SPATA31F1: variants seen among roughly 807,000 people sequenced by gnomAD.
SPATA31F1 encodes SPATA31 subfamily F member 1.
the SPATA31F1 span, chr9:34,724,467 A>T: frequency 1.9e-6 from 3 of 1,551,502 alleles, no homozygotes; most frequent in East Asian, 2.4e-5. Context: ...TTCTGTGTGG[A>T]TATGTTCTCT....
the SPATA31F1 span, chr9:34,723,339 G>A: frequency 4.5e-6 from 7 of 1,551,598 alleles, no homozygotes; most frequent in East Asian, 1.7e-4. Flanking sequence ...CTGGAGTGTA[G>A]CCGGAGCTTA....
chr9:34,725,782 C>T, the SPATA31F1 span: 6 of 1,548,488 alleles, frequency 3.9e-6, no homozygotes, highest in Non-Finnish European at 5.2e-6. Context: ...GTGGGGCTGA[C>T]TGGGGTGAAG....
chr9:34,725,690 G>A, the SPATA31F1 span: 2 of 1,521,192 alleles, frequency 1.3e-6, no homozygotes, highest in Non-Finnish European at 1.8e-6. Flanking sequence ...TTCATACTCA[G>A]CCAGAGTCAG....
the SPATA31F1 span, chr9:34,729,406 G>A: frequency 2.0e-5 from 31 of 1,550,394 alleles, no homozygotes; most frequent in African/African-American, 4.1e-4. Context: ...ACTTCCCACA[G>A]AACAAAAGTA....
the SPATA31F1 span, chr9:34,725,047 G>T: frequency 1.3e-6 from 2 of 1,552,028 alleles, no homozygotes; most frequent in African/African-American, 1.4e-5. Context: ...TGTGATGCAG[G>T]TCCGGGTCAC....
the SPATA31F1 span, chr9:34,726,715 T>G: frequency 6.4e-7 from 1 of 1,551,666 alleles, no homozygotes; most frequent in South Asian, 1.2e-5. Flanking sequence ...TCTGATCTGT[T>G]AATTGTGACA....
the SPATA31F1 span, chr9:34,723,861 G>A: frequency 1.4e-5 from 21 of 1,551,562 alleles, no homozygotes; most frequent in African/African-American, 2.7e-5. Flanking sequence ...CCAGGGACTC[G>A]TGGAGGTAGC....
the SPATA31F1 span, chr9:34,724,292 G>T: frequency 1.9e-6 from 3 of 1,551,400 alleles, no homozygotes; most frequent in Non-Finnish European, 2.6e-6. Context: ...CTGGGGTACA[G>T]CTTTGGAATT....
chr9:34,728,763 T>C, the SPATA31F1 span: 4 of 1,019,632 alleles, frequency 3.9e-6, no homozygotes, highest in African/African-American at 1.6e-5. Context: ...TATATATCTA[T>C]CTGTATTTTA....
At chr9:34,723,939 G>A in the SPATA31F1 span, 4 of 1,551,300 alleles carry the variant, frequency 2.6e-6, no homozygotes, top group Non-Finnish European at 3.5e-6. Context: ...TGAAAGCTAC[G>A]GCTCCATCGC....
the SPATA31F1 span, chr9:34,723,867 G>A: frequency 6.4e-7 from 1 of 1,551,712 alleles, no homozygotes; most frequent in East Asian, 2.4e-5. Context: ...ACTCGTGGAG[G>A]TAGCTGTGGG....
the SPATA31F1 span, chr9:34,728,058 G>A: frequency 1.1e-5 from 17 of 1,551,852 alleles, no homozygotes; most frequent in East Asian, 4.2e-4. Context: ...TGGCTTCTCA[G>A]CTTCTTCCCG....
At chr9:34,725,121 C>A in the SPATA31F1 span, 1 of 1,550,350 alleles carries the variant, frequency 6.5e-7, no homozygotes, top group South Asian at 1.2e-5. Flanking sequence ...ACTGCCAGGA[C>A]CCCAGAAATT....
chr9:34,724,740 G>C, the SPATA31F1 span: 1 of 1,551,702 alleles, frequency 6.4e-7, no homozygotes, highest in Non-Finnish European at 8.7e-7. Flanking sequence ...CTTATACACT[G>C]TTCTTCAAAT....
chr9:34,726,528 T>C, the SPATA31F1 span: 115 of 1,551,686 alleles, frequency 7.4e-5, no homozygotes, highest in South Asian at 1.3e-3. Flanking sequence ...TTGCTCTGCG[T>C]CATCTCCTCC....
the SPATA31F1 span, chr9:34,726,982 G>A: frequency 1.3e-6 from 2 of 1,545,560 alleles, no homozygotes; most frequent in Non-Finnish European, 1.8e-6. Context: ...GAGGAAGCCA[G>A]CCCTGGCTAG....
chr9:34,723,513 C>T, the SPATA31F1 span: 1 of 1,551,808 alleles, frequency 6.4e-7, no homozygotes, highest in Non-Finnish European at 8.7e-7. Context: ...CTGGTTTTGG[C>T]CACCTTCGCA....
chr9:34,727,020 G>T, the SPATA31F1 span: 1 of 1,533,724 alleles, frequency 6.5e-7, no homozygotes. Context: ...AATTAACGAT[G>T]GAGTGACATC....
At chr9:34,725,870 A>G in the SPATA31F1 span, 3 of 1,552,074 alleles carry the variant, frequency 1.9e-6, no homozygotes, top group Non-Finnish European at 2.6e-6. Context: ...CACATTTTCA[A>G]TCTTGGGGAG....
Sources: gnomAD v4.1 joint callset for allele counts on GRCh38, gnomAD v4.1.1 for gene constraint, MANE v1.5 for transcripts, NCBI Gene and HGNC (gene_info 2026-07-23, HGNC 2026-07-21) for gene names.